Variants in COBL observed in about 807,000 individuals in gnomAD.
COBL encodes protein cordon-bleu.
In COBL, 51 loss-of-function variants were observed where a neutral mutation model predicts 98.8. The ratio of observed to expected loss-of-function variants is 0.52; its 90% CI spans 0.41 to 0.65. The LOEUF is 0.65. Among genes scored for constraint, COBL ranks in the 30% least tolerant of loss-of-function variants. COBL has a pLI of 0.00. For missense variants in COBL, 1,617 were observed against 1,617.5 expected (o/e 1.00, Z 0.01); for synonymous variants, 634 against 651.7 (o/e 0.97, Z 0.41).
intron 1 of COBL, among the ~76,000 whole-genome samples, chr7:51,223,815 C>A (rs1465982140): frequency 6.6e-6 from 1 of 152,212 alleles, no homozygotes; most frequent in Non-Finnish European, 1.5e-5. Flanking sequence ...CAGGTCCTAT[C>A]ATGGACCAAT....
chr7:51,076,593 T>C (rs190868411), intron 7 of COBL, among the ~76,000 whole-genome samples: 35 of 152,356 alleles, frequency 2.3e-4, no homozygotes, highest in Admixed American at 1.0e-3. Flanking sequence ...TAATTCAAAA[T>C]AGATAGTTCA....
chr7:51,219,603 C>A lies in COBL; in HGVS notation c.245+138G>T, dbSNP rs1036798555. The stretch of plus-strand genomic sequence containing the variant: ...CAGCCTGCTCTAAGTAGTCACTAAG[C>A]CCGATTTATATCCATGAGGTTCCTG... On this transcript the variant is annotated intron_variant, in intron 2 of 12. Transcript: ENST00000265136. 9 of 895,010 alleles carry A rather than the reference C, an allele frequency of 1.0e-5. No homozygotes were observed. The Admixed American group carries it at 2.2e-4, about 22-fold the overall frequency. 55.4% of individuals were successfully genotyped at this position (895,010 alleles called of 1,614,324 possible). A position where few individuals can be genotyped will look rare whatever the true frequency, so the allele number is the denominator to read the frequency against.
chr7:51,125,184 A>G (rs1259336530), intron 6 of COBL, among the ~76,000 whole-genome samples: 1 of 152,184 alleles, frequency 6.6e-6, no homozygotes, highest in East Asian at 1.9e-4. Context: ...GGGGCCTCTA[A>G]AGAAGTAACT....
intron 1 of COBL, among the ~76,000 whole-genome samples, chr7:51,241,834 G>A (rs930119150): frequency 2.0e-5 from 3 of 152,168 alleles, no homozygotes; most frequent in Admixed American, 2.0e-4. Flanking sequence ...GGGTCCTTCA[G>A]GGAGGAGTCC....
intron 1 of COBL, among the ~76,000 whole-genome samples, chr7:51,236,618 G>A (rs1285760445): frequency 6.6e-6 from 1 of 152,076 alleles, no homozygotes; most frequent in African/African-American, 2.4e-5. Flanking sequence ...GTAGTGCCTT[G>A]GGAAAGAGCC....
intron 5 of COBL, among the ~76,000 whole-genome samples, chr7:51,151,485 T>A (rs1252483077): frequency 1.3e-5 from 2 of 152,162 alleles, no homozygotes; most frequent in Admixed American, 1.3e-4. Context: ...TATTAACAAG[T>A]GACTGGTGTG....
intron 5 of COBL, among the ~76,000 whole-genome samples, chr7:51,139,346 T>C (rs946152552): frequency 6.6e-6 from 1 of 152,238 alleles, no homozygotes; most frequent in Admixed American, 6.5e-5. Context: ...TGACCTTGAA[T>C]GGCAGAAAGT....
At chr7:51,251,979 C>T (rs1796766093) in intron 1 of COBL, among the ~76,000 whole-genome samples, 1 of 152,198 alleles carries the variant, frequency 6.6e-6, no homozygotes. Flanking sequence ...GCAGTCTCTA[C>T]ATAAGCTCAA....
intron 1 of COBL, among the ~76,000 whole-genome samples, chr7:51,287,104 T>C (rs908324181): frequency 1.3e-5 from 2 of 152,160 alleles, no homozygotes; most frequent in Non-Finnish European, 2.9e-5. Context: ...ACTGGCGATG[T>C]TGGAGGTGGG....
At chr7:51,061,856 G>T (rs1462817810) in intron 7 of COBL, among the ~76,000 whole-genome samples, 1 of 151,810 alleles carries the variant, frequency 6.6e-6, no homozygotes, top group Non-Finnish European at 1.5e-5. Flanking sequence ...GCTTTCCGGG[G>T]TCTCCAGCTT....
chr7:51,202,795 C>A (rs1359182623), intron 2 of COBL, among the ~76,000 whole-genome samples: 1 of 152,160 alleles, frequency 6.6e-6, no homozygotes, highest in Non-Finnish European at 1.5e-5. Flanking sequence ...AATCCCAGCA[C>A]TTTGGGAGGC....
intron 1 of COBL, among the ~76,000 whole-genome samples, chr7:51,268,720 G>A (rs749095217): frequency 5.3e-5 from 8 of 151,832 alleles, no homozygotes; most frequent in Non-Finnish European, 1.0e-4. Flanking sequence ...TCACAAGGTC[G>A]GGAGTTCGAG....
intron 6 of COBL, among the ~76,000 whole-genome samples, chr7:51,126,761 T>C (rs936051305): frequency 2.3e-4 from 35 of 152,092 alleles, no homozygotes; most frequent in African/African-American, 8.5e-4. Flanking sequence ...AGGGAACCAC[T>C]CTGGACCCTA....
rs78257923 is a variant in COBL, at chr7:51,221,182, C to T, written c.42-1238G>A. On this transcript the variant is annotated intron_variant, in intron 1 of 12. Coordinates refer to ENST00000265136, the MANE Select transcript of COBL (RefSeq NM_015198.5). Reference sequence around the variant, plus strand: ...CCAGAGGGTTTGCTCCCGCTGCCTCCCTCCCGCTCTGGCCATACCCTAGTT... The same window carrying T: ...CCAGAGGGTTTGCTCCCGCTGCCTCTCTCCCGCTCTGGCCATACCCTAGTT... Among the ~76,000 whole-genome samples the T allele has an allele frequency of 8.8e-3, 1,345 of 152,266 alleles. 17 individuals carry two copies. Among genetic ancestry groups the T allele is most frequent in the African/African-American group, 0.031 (1,267 of 41,540 alleles).
chr7:51,176,136 G>A (rs1788358511), intron 5 of COBL, among the ~76,000 whole-genome samples: 1 of 152,152 alleles, frequency 6.6e-6, no homozygotes. Context: ...GTGGCTCTGG[G>A]TCTTGTGAGG....
At chr7:51,018,991 C>T (rs1204162092) in intron 12 of COBL, among the ~76,000 whole-genome samples, 10 of 133,802 alleles carry the variant, frequency 7.5e-5, no homozygotes, top group Admixed American at 1.6e-4. Flanking sequence ...CACCAGCTAT[C>T]GTTAGTGTTT....
chr7:51,045,267 C>A (rs1368368427), intron 7 of COBL, among the ~76,000 whole-genome samples: 1 of 152,208 alleles, frequency 6.6e-6, no homozygotes, highest in Non-Finnish European at 1.5e-5. Context: ...TGGATTCACA[C>A]CCTGGTGGAG....
At chr7:51,070,564 G>A (rs1792437241) in intron 7 of COBL, among the ~76,000 whole-genome samples, 1 of 152,092 alleles carries the variant, frequency 6.6e-6, no homozygotes, top group Admixed American at 6.5e-5. Flanking sequence ...TGTAATTTTT[G>A]GAAGATGCAC....
intron 7 of COBL, among the ~76,000 whole-genome samples, chr7:51,054,548 G>T (rs1790544146): frequency 6.6e-6 from 1 of 152,112 alleles, no homozygotes; most frequent in Admixed American, 6.5e-5. Context: ...ACTTTCTGAT[G>T]TTTTTTCTCC....
Sources: allele counts gnomAD v4.1 joint callset (sites outside exome capture counted in the v4.1 genomes callset), GRCh38; gene constraint gnomAD v4.1.1; transcripts MANE v1.5; gene names NCBI Gene and HGNC (gene_info 2026-07-23, HGNC 2026-07-21).